The following PDE11A variants were observed in gnomAD, a reference collection of about 807,000 sequenced individuals.
PDE11A encodes the protein phosphodiesterase 11A.
PDE11A carries 100 observed loss-of-function variants against 100.5 expected under a neutral mutation model. That is an observed-to-expected ratio of 1.00 (90% CI 0.85 to 1.18). PDE11A has a LOEUF of 1.18. PDE11A is among the 50% of genes most tolerant of loss of function. PDE11A has a pLI of 0.00. For missense variants in PDE11A, 1,141 were observed against 1,152.6 expected, an observed-to-expected ratio of 0.99 and a Z score of 0.15; for synonymous variants, 381 against 420.8, an observed-to-expected ratio of 0.91 and a Z score of 1.16.
At chr2:177,747,940 G>A (rs535851824) in intron 10 of PDE11A, among the ~76,000 whole-genome samples, 3 of 152,168 alleles carry the variant, frequency 2.0e-5, no homozygotes, top group East Asian at 3.9e-4. Context: ...GGCAGAGCCA[G>A]GATTAGAATC....
At chr2:177,818,641 T>C (rs1215727109) in intron 7 of PDE11A, among the ~76,000 whole-genome samples, 2 of 152,142 alleles carry the variant, frequency 1.3e-5, no homozygotes, top group Non-Finnish European at 2.9e-5. Context: ...AAAGTTGATA[T>C]AATACAGTTA....
chr2:177,874,472 C>T (rs773165692), intron 5 of PDE11A, among the ~76,000 whole-genome samples: 2 of 152,134 alleles, frequency 1.3e-5, no homozygotes, highest in Non-Finnish European at 2.9e-5. Flanking sequence ...TATTTTTTAA[C>T]CCTTCCTCTA....
At chr2:177,814,487 G>T (rs1364204496) in intron 9 of PDE11A, among the ~76,000 whole-genome samples, 1 of 152,154 alleles carries the variant, frequency 6.6e-6, no homozygotes, top group Non-Finnish European at 1.5e-5. Context: ...TTCGTACTCA[G>T]TGGGGTGGGA....
At chr2:177,873,156 T>G (rs909436718) in intron 5 of PDE11A, among the ~76,000 whole-genome samples, 1 of 152,146 alleles carries the variant, frequency 6.6e-6, no homozygotes, top group African/African-American at 2.4e-5. Flanking sequence ...AACAGAAGTA[T>G]TTAACTCTGA....
chr2:178,061,013 G>A (rs2086962274), intron 1 of PDE11A, among the ~76,000 whole-genome samples: 1 of 136,284 alleles, frequency 7.3e-6, no homozygotes, highest in African/African-American at 2.9e-5. Context: ...GTATGATCTT[G>A]GCTTATTGTA....
intron 9 of PDE11A, among the ~76,000 whole-genome samples, chr2:177,800,949 G>A (rs1360335321): frequency 2.0e-5 from 3 of 152,222 alleles, no homozygotes; most frequent in African/African-American, 7.2e-5. Flanking sequence ...CAGTCCAAGG[G>A]AAGGAGAGAA....
intron 5 of PDE11A, among the ~76,000 whole-genome samples, chr2:177,856,292 A>G (rs1008940785): frequency 3.9e-5 from 6 of 152,088 alleles, no homozygotes; most frequent in Non-Finnish European, 7.4e-5. Flanking sequence ...AATGACAACA[A>G]ACATTAGATC....
intron 2 of PDE11A, among the ~76,000 whole-genome samples, chr2:177,923,423 G>C (rs535355717): frequency 6.6e-6 from 1 of 152,054 alleles, no homozygotes; most frequent in Non-Finnish European, 1.5e-5. Context: ...GGTAGGGCTA[G>C]CTTCAGTAAG....
At chr2:177,636,867 C>T (rs1222478575) in intron 19 of PDE11A, among the ~76,000 whole-genome samples, 1 of 152,222 alleles carries the variant, frequency 6.6e-6, no homozygotes, top group Non-Finnish European at 1.5e-5. Flanking sequence ...CACTGCTCTG[C>T]TGCCTCTAAG....
At chr2:178,080,925 T>A (rs1171017278) in intron 2 of PDE11A, among the ~76,000 whole-genome samples, 14 of 152,144 alleles carry the variant, frequency 9.2e-5, no homozygotes, top group African/African-American at 1.7e-4. Context: ...AAGCATTTTT[T>A]AAAAATATAC....
At chr2:177,643,796 C>A (rs76057878) in intron 19 of PDE11A, among the ~76,000 whole-genome samples, 6,511 of 152,276 alleles carry the variant, frequency 0.043, 143 homozygotes, top group East Asian at 0.075. Flanking sequence ...CAGTGTCCCC[C>A]TGCTGTGTGC....
At position 177,727,944 on chromosome 2, in the gene PDE11A, G is replaced by C. The variant is rs181823127; in HGVS notation, c.1935+82C>G. 1.5e-5 allele frequency: 19 copies of C among 1,257,932 alleles called. No homozygotes were observed. The African/African-American group carries it at 2.1e-4, about 14-fold the overall frequency. 77.9% of individuals were successfully genotyped at this position (1,257,932 alleles called of 1,614,324 possible). A position where few individuals can be genotyped will look rare whatever the true frequency, so the allele number is the denominator to read the frequency against. ...GGGCAGGGATTATCATCCCCATTTT[G>C]TATTTGGGAAACCAGTGGTTCAGAG... On this transcript the variant is annotated intron_variant, in intron 11 of 19. Coordinates refer to ENST00000286063, the MANE Select transcript of PDE11A (RefSeq NM_016953.4).
At chr2:177,979,721 C>T (rs2085856886) in intron 2 of PDE11A, among the ~76,000 whole-genome samples, 1 of 146,972 alleles carries the variant, frequency 6.8e-6, no homozygotes, top group Non-Finnish European at 1.5e-5. Flanking sequence ...TGACATTTTC[C>T]TGCCTCAGCC....
chr2:177,649,222 G>A (rs1332826969), intron 19 of PDE11A, among the ~76,000 whole-genome samples: 2 of 151,994 alleles, frequency 1.3e-5, no homozygotes, highest in Non-Finnish European at 2.9e-5. Context: ...TATCTATCAC[G>A]ATCTCAAATG....
intron 4 of PDE11A, among the ~76,000 whole-genome samples, chr2:177,896,889 T>C (rs892818073): frequency 1.3e-5 from 2 of 152,168 alleles, no homozygotes; most frequent in African/African-American, 4.8e-5. Context: ...CACAGGATAC[T>C]TTCCAGGCTA....
At chr2:177,835,657 G>T (rs772730255) in intron 6 of PDE11A, among the ~76,000 whole-genome samples, 2 of 152,182 alleles carry the variant, frequency 1.3e-5, no homozygotes, top group African/African-American at 2.4e-5. Context: ...CCCTCTGCTT[G>T]TGGGGAGGTG....
chr2:177,817,929 T>A lies in PDE11A; in HGVS notation c.1577-4A>T. 1 of 1,387,338 alleles carries A rather than the reference T, an allele frequency of 7.2e-7. No individual in the cohort carries two copies. Among genetic ancestry groups the A allele is most frequent in the Non-Finnish European group, 1.0e-6 (1 of 976,068 alleles). 85.9% of individuals were successfully genotyped at this position (1,387,338 alleles called of 1,614,324 possible). On this transcript the variant is annotated splice_polypyrimidine_tract_variant and splice_region_variant and intron_variant, in intron 7 of 19. Coordinates refer to ENST00000286063, the MANE Select transcript of PDE11A (RefSeq NM_016953.4). ...CTGTTTAACACTTGAGCCACTCCTA[T>A]GGGGAAAGAGTGGATTATGTGGTCA...
chr2:177,706,079 T>C (rs1370662), intron 13 of PDE11A, among the ~76,000 whole-genome samples: 116,373 of 152,170 alleles, frequency 0.76, 44,580 homozygotes, highest in East Asian at 0.84. Flanking sequence ...ATTCATTGTA[T>C]GCACTCCAAT....
intron 12 of PDE11A, among the ~76,000 whole-genome samples, chr2:177,725,393 A>G (rs2081585770): frequency 6.6e-6 from 1 of 152,136 alleles, no homozygotes; most frequent in Non-Finnish European, 1.5e-5. Flanking sequence ...AGAAAATACT[A>G]TCTTTTCCAG....
Sources: allele counts gnomAD v4.1 joint callset (sites outside exome capture counted in the v4.1 genomes callset), GRCh38; gene constraint gnomAD v4.1.1; transcripts MANE v1.5; gene names NCBI Gene and HGNC (gene_info 2026-07-23, HGNC 2026-07-21).